PDE4D: variants seen among roughly 807,000 people sequenced by gnomAD.
PDE4D encodes phosphodiesterase 4D.
Under a neutral mutation model 87.4 loss-of-function variants are expected in PDE4D, and 24 were observed. That is an observed-to-expected ratio of 0.27 (90% CI 0.20 to 0.39). The LOEUF (loss-of-function observed/expected upper bound fraction) is 0.39, where lower values mean the gene tolerates loss of function less well. Among genes scored for constraint, PDE4D ranks in the 10% least tolerant of loss-of-function variants. The probability of loss-of-function intolerance (pLI) is 1.00; values close to 1 mark genes in which losing one functional copy is unlikely to be tolerated. For missense variants in PDE4D, 714 were observed against 1,041.0 expected, an observed-to-expected ratio of 0.69 and a Z score of 4.32; for synonymous variants, 384 against 383.2, an observed-to-expected ratio of 1.00 and a Z score of -0.02.
intron 1 of PDE4D, among the ~76,000 whole-genome samples, chr5:59,640,788 A>T (rs973911491): frequency 6.6e-6 from 1 of 152,236 alleles, no homozygotes; most frequent in Non-Finnish European, 1.5e-5. Flanking sequence ...CCTCTTGCAC[A>T]GAAAACAAAC....
At chr5:59,737,215 C>T (rs1758190363) in intron 1 of PDE4D, among the ~76,000 whole-genome samples, 3 of 152,006 alleles carry the variant, frequency 2.0e-5, no homozygotes, top group Non-Finnish European at 4.4e-5. Flanking sequence ...CTTTTAAAGT[C>T]GCATTCCTGG....
At chr5:60,469,798 C>T (rs1205691446) in intron 1 of PDE4D, among the ~76,000 whole-genome samples, 1 of 152,178 alleles carries the variant, frequency 6.6e-6, no homozygotes, top group African/African-American at 2.4e-5. Flanking sequence ...TGTGTATTCT[C>T]TAACTGCTTC....
chr5:59,209,637 G>A (rs1340653712), intron 2 of PDE4D, among the ~76,000 whole-genome samples: 3 of 152,150 alleles, frequency 2.0e-5, no homozygotes, highest in African/African-American at 7.2e-5. Context: ...AAATAGTTAA[G>A]TCCAAATAAC....
intron 1 of PDE4D, among the ~76,000 whole-genome samples, chr5:59,458,166 T>C (rs1273640836): frequency 2.6e-5 from 4 of 152,204 alleles, no homozygotes; most frequent in African/African-American, 9.6e-5. Flanking sequence ...TTGATTCTTT[T>C]ACTATTTATG....
At chr5:59,380,771 A>G (rs1424937149) in intron 1 of PDE4D, among the ~76,000 whole-genome samples, 1 of 150,946 alleles carries the variant, frequency 6.6e-6, no homozygotes, top group African/African-American at 2.4e-5. Context: ...GCCAACATAC[A>G]TCTTGTTCCA....
chr5:59,792,209 T>C (rs927482040), intron 1 of PDE4D, among the ~76,000 whole-genome samples: 2 of 152,118 alleles, frequency 1.3e-5, no homozygotes, highest in Non-Finnish European at 2.9e-5. Context: ...GGATGGGCAA[T>C]AGGATGGTAG....
chr5:59,625,676 T>C (rs1031982976), intron 1 of PDE4D, among the ~76,000 whole-genome samples: 6 of 152,204 alleles, frequency 3.9e-5, no homozygotes, highest in African/African-American at 1.4e-4. Context: ...CAATTTTTCT[T>C]TAAAATAAAG....
chr5:60,012,905 T>C (rs6450538), intron 2 of PDE4D, among the ~76,000 whole-genome samples: 40,083 of 152,118 alleles, frequency 0.26, 5,800 homozygotes, highest in Admixed American at 0.35. Context: ...TCTGCCCACA[T>C]GCTGTGAACA....
intron 2 of PDE4D, among the ~76,000 whole-genome samples, chr5:60,050,370 C>G (rs150185188): frequency 3.3e-5 from 5 of 151,962 alleles, no homozygotes; most frequent in African/African-American, 1.2e-4. Context: ...TGTTCCTATT[C>G]GGCCATCTTG....
At chr5:60,324,501 G>A (rs1756600483) in intron 1 of PDE4D, among the ~76,000 whole-genome samples, 1 of 152,176 alleles carries the variant, frequency 6.6e-6, no homozygotes, top group African/African-American at 2.4e-5. Context: ...CTCCAGGCAT[G>A]GTACTGTGCA....
chr5:59,136,020 T>A (rs1777015812), intron 5 of PDE4D, among the ~76,000 whole-genome samples: 1 of 61,256 alleles, frequency 1.6e-5, no homozygotes, highest in Non-Finnish European at 3.7e-5. Context: ...TTTAAAAGAC[T>A]AAATGATAAA....
At chr5:60,352,391 T>C (rs895791994) in intron 1 of PDE4D, among the ~76,000 whole-genome samples, 5 of 152,182 alleles carry the variant, frequency 3.3e-5, no homozygotes, top group Non-Finnish European at 7.3e-5. Flanking sequence ...TTTGAGAAAG[T>C]ATTTTCTGCC....
chr5:59,636,414 G>A (rs190424080), intron 1 of PDE4D, among the ~76,000 whole-genome samples: 32 of 152,156 alleles, frequency 2.1e-4, no homozygotes, highest in African/African-American at 6.7e-4. Context: ...AAGAGAGCCC[G>A]TATTGCCAAG....
chr5:60,486,062 A>C (rs1310695996), intron 1 of PDE4D, among the ~76,000 whole-genome samples: 1 of 152,206 alleles, frequency 6.6e-6, no homozygotes, highest in East Asian at 1.9e-4. Context: ...GTGGAAGGAG[A>C]TGTGAATACT....
intron 1 of PDE4D, among the ~76,000 whole-genome samples, chr5:59,658,771 G>A (rs561189047): frequency 6.6e-6 from 1 of 152,226 alleles, no homozygotes; most frequent in Admixed American, 6.5e-5. Context: ...TTATTGCATG[G>A]TTTAAAAAGT....
chr5:60,353,862 G>C (rs967168286), intron 1 of PDE4D, among the ~76,000 whole-genome samples: 1 of 152,020 alleles, frequency 6.6e-6, no homozygotes, highest in East Asian at 1.9e-4. Context: ...ACTGGGCCAG[G>C]GTCTTCAATT....
intron 2 of PDE4D, among the ~76,000 whole-genome samples, chr5:60,012,414 A>G (rs1467027335): frequency 6.6e-6 from 1 of 152,234 alleles, no homozygotes; most frequent in Non-Finnish European, 1.5e-5. Context: ...AAACGAAAGT[A>G]CAATGTGACT....
chr5:59,418,943 T>G (rs763542060), intron 1 of PDE4D, among the ~76,000 whole-genome samples: 4 of 152,170 alleles, frequency 2.6e-5, no homozygotes, highest in Non-Finnish European at 5.9e-5. Flanking sequence ...AGTCACTCAC[T>G]GCACCTGGCC....
chr5:59,165,618 G>C (rs1781814544), intron 5 of PDE4D, among the ~76,000 whole-genome samples: 1 of 152,122 alleles, frequency 6.6e-6, no homozygotes, highest in East Asian at 1.9e-4. Context: ...AACTCCCTAT[G>C]AGATAAATAT....
Sources: gnomAD v4.1 joint callset for allele counts (sites outside exome capture counted in the v4.1 genomes callset) on GRCh38, gnomAD v4.1.1 for gene constraint, MANE v1.5 for transcripts, NCBI Gene and HGNC (gene_info 2026-07-23, HGNC 2026-07-21) for gene names.